The following CSGALNACT1 variants were observed in gnomAD, a reference collection of about 807,000 sequenced individuals.
CSGALNACT1 encodes beta4GalNAcT-1.
A neutral mutation model predicts 51.0 loss-of-function variants in CSGALNACT1; 52 were observed. That is an observed-to-expected ratio of 1.02 (90% confidence interval 0.82 to 1.29). The LOEUF (loss-of-function observed/expected upper bound fraction) is 1.29, where lower values mean the gene tolerates loss of function less well. Ranked by LOEUF, CSGALNACT1 falls within the 50% of genes most tolerant of loss-of-function variation. The pLI is 0.00. For missense variants in CSGALNACT1, 935 were observed against 679.2 expected (o/e 1.38, Z -4.19); for synonymous variants, 341 against 254.4 (o/e 1.34, Z -3.24).
chr8:19,424,134 C>G (rs1406531053), intron 6 of CSGALNACT1, among the ~76,000 whole-genome samples: 1 of 152,172 alleles, frequency 6.6e-6, no homozygotes, highest in Non-Finnish European at 1.5e-5. Context: ...GAAGCCCTGA[C>G]CACTCACCAG....
At chr8:19,586,798 A>G (rs765872003) in intron 3 of CSGALNACT1, among the ~76,000 whole-genome samples, 5 of 152,214 alleles carry the variant, frequency 3.3e-5, no homozygotes, top group Non-Finnish European at 7.3e-5. Context: ...CAGAGGTTAA[A>G]CAAAACAAGT....
intron 3 of CSGALNACT1, among the ~76,000 whole-genome samples, chr8:19,576,490 G>T (rs966677055): frequency 4.0e-5 from 6 of 151,622 alleles, no homozygotes; most frequent in South Asian, 4.2e-4. Flanking sequence ...ATTGCACCCG[G>T]CCTATTCCTA....
intron 1 of CSGALNACT1, among the ~76,000 whole-genome samples, chr8:19,700,876 G>A (rs969556749): frequency 6.6e-6 from 1 of 152,100 alleles, no homozygotes; most frequent in Non-Finnish European, 1.5e-5. Context: ...CTTAGTAACA[G>A]AACATTTGTA....
At chr8:19,541,192 G>C (rs1232715907) in intron 3 of CSGALNACT1, among the ~76,000 whole-genome samples, 3 of 150,786 alleles carry the variant, frequency 2.0e-5, no homozygotes, top group African/African-American at 7.3e-5. Flanking sequence ...AGAAACTCTA[G>C]CCTCAGCCTC....
At chr8:19,543,777 A>G (rs2085811518) in intron 3 of CSGALNACT1, among the ~76,000 whole-genome samples, 1 of 152,164 alleles carries the variant, frequency 6.6e-6, no homozygotes, top group South Asian at 2.1e-4. Flanking sequence ...TTTCACTGCA[A>G]TTAATAATAA....
intron 1 of CSGALNACT1, among the ~76,000 whole-genome samples, chr8:19,724,084 C>T (rs2063269035): frequency 6.6e-6 from 1 of 152,096 alleles, no homozygotes; most frequent in African/African-American, 2.4e-5. Flanking sequence ...GCTGATTTTC[C>T]AATATCCAAT....
chr8:19,598,932 C>A (rs1279953158), intron 2 of CSGALNACT1, among the ~76,000 whole-genome samples: 1 of 152,174 alleles, frequency 6.6e-6, no homozygotes, highest in East Asian at 1.9e-4. Context: ...GAGCCAGGCA[C>A]TGGTCCTCAA....
intron 1 of CSGALNACT1, among the ~76,000 whole-genome samples, chr8:19,735,738 A>G (rs1461414937): frequency 6.6e-6 from 1 of 152,222 alleles, no homozygotes; most frequent in Non-Finnish European, 1.5e-5. Flanking sequence ...ATATAAAAAT[A>G]GTTCCAATAA....
intron 6 of CSGALNACT1, among the ~76,000 whole-genome samples, chr8:19,438,698 C>T (rs1346562469): frequency 6.6e-6 from 1 of 152,296 alleles, no homozygotes; most frequent in African/African-American, 2.4e-5. Context: ...AATATGTAAA[C>T]AAACGGGCAT....
At chr8:19,687,554 G>A (rs987437419), upstream of CSGALNACT1, among the ~76,000 whole-genome samples, 1 of 152,124 alleles carries the variant, frequency 6.6e-6, no homozygotes, top group Non-Finnish European at 1.5e-5. Flanking sequence ...AGTATAAACT[G>A]GATTATGTTA....
intron 7 of CSGALNACT1, among the ~76,000 whole-genome samples, chr8:19,419,364 C>T (rs2057500535): frequency 6.6e-6 from 1 of 152,200 alleles, no homozygotes; most frequent in South Asian, 2.1e-4. Flanking sequence ...AACATTAACC[C>T]TTTACTTGCT....
At chr8:19,600,688 A>G (rs1463282273) in intron 2 of CSGALNACT1, among the ~76,000 whole-genome samples, 2 of 151,700 alleles carry the variant, frequency 1.3e-5, no homozygotes, top group African/African-American at 4.8e-5. Context: ...TATTTTTTCT[A>G]TTGTTAGTAA....
intron 1 of CSGALNACT1, chr8:19,678,716 C>T (rs752169164): frequency 3.9e-5 from 6 of 152,016 alleles, no homozygotes; most frequent in Non-Finnish European, 7.3e-5. Context: ...AGCAGAAATT[C>T]CATACGTTTT....
intron 2 of CSGALNACT1, among the ~76,000 whole-genome samples, chr8:19,591,486 C>T (rs1429248078): frequency 6.6e-6 from 1 of 152,200 alleles, no homozygotes; most frequent in Non-Finnish European, 1.5e-5. Context: ...ATTCATCCAT[C>T]TTCAATTTAT....
chr8:19,639,954 C>G (rs1036510813), intron 1 of CSGALNACT1, among the ~76,000 whole-genome samples: 1 of 150,772 alleles, frequency 6.6e-6, no homozygotes, highest in Non-Finnish European at 1.5e-5. Flanking sequence ...CAATCACTGT[C>G]CATTGCAGCC....
At chr8:19,744,825 T>C (rs945801472) in intron 1 of CSGALNACT1, among the ~76,000 whole-genome samples, 19 of 152,204 alleles carry the variant, frequency 1.2e-4, no homozygotes, top group African/African-American at 4.6e-4. Flanking sequence ...CCATACACCT[T>C]TATCAAGAAC....
chr8:19,683,401 A>C (rs7843349), upstream of CSGALNACT1, among the ~76,000 whole-genome samples: 37,348 of 152,102 alleles, frequency 0.25, 4,950 homozygotes, highest in Middle Eastern at 0.37. Flanking sequence ...GAAGCAAGGC[A>C]AAAAAAGCTC....
chr8:19,613,160 T>C (rs575724211), intron 1 of CSGALNACT1, among the ~76,000 whole-genome samples: 19 of 152,218 alleles, frequency 1.2e-4, no homozygotes, highest in African/African-American at 4.3e-4. Context: ...AGGTGTACCA[T>C]GTCTATTTTT....
chr8:19,427,611 AC>A (rs1356491433), intron 6 of CSGALNACT1, among the ~76,000 whole-genome samples: 1 of 152,058 alleles, frequency 6.6e-6, no homozygotes, highest in Non-Finnish European at 1.5e-5. Context: ...ACACGGTGAA[AC>A]CCTGTCTCTA....
Sources: allele counts gnomAD v4.1 joint callset (sites outside exome capture counted in the v4.1 genomes callset), GRCh38; gene constraint gnomAD v4.1.1; transcripts MANE v1.5; gene names NCBI Gene and HGNC (gene_info 2026-07-23, HGNC 2026-07-21).